FNBP4: variants seen among roughly 807,000 people sequenced by gnomAD.
FNBP4 encodes the protein formin binding protein 4.
A neutral mutation model predicts 119.3 loss-of-function variants in FNBP4; 34 were observed. That is an observed-to-expected ratio of 0.28 (90% confidence interval 0.22 to 0.38). The LOEUF (loss-of-function observed/expected upper bound fraction) is 0.38. Ranked by LOEUF, FNBP4 falls within the 10% of genes least tolerant of loss-of-function variation. The pLI is 1.00. For missense variants in FNBP4, 1,112 were observed against 1,228.9 expected (o/e 0.90, Z 1.42); for synonymous variants, 462 against 430.6 (o/e 1.07, Z -0.90).
intron 12 of FNBP4, 167 bp from the exon 13 acceptor site, chr11:47,724,945 G>T: frequency 9.4e-7 from 1 of 1,067,366 alleles, no homozygotes; most frequent in Non-Finnish European, 1.3e-6. Context: ...CTCCTTCCTT[G>T]AAAAAAATTT....
At chr11:47,722,112 CT>C (rs762333048) in intron 15 of FNBP4, among the ~76,000 whole-genome samples, 5 of 145,862 alleles carry the variant, frequency 3.4e-5, no homozygotes, top group Non-Finnish European at 6.0e-5. Context: ...AAGCCACCCC[CT>C]GCCAGAAGAA....
chr11:47,737,938 G>A (rs2097576492), intron 8 of FNBP4, among the ~76,000 whole-genome samples: 1 of 152,078 alleles, frequency 6.6e-6, no homozygotes, highest in African/African-American at 2.4e-5. Context: ...TAGAGATGGG[G>A]TTTCACCATG....
chr11:47,760,093 C>A (rs2097630017), intron 2 of FNBP4, among the ~76,000 whole-genome samples: 1 of 152,168 alleles, frequency 6.6e-6, no homozygotes, highest in Non-Finnish European at 1.5e-5. Context: ...CCCAGGTCCA[C>A]AGGCAAAATC....
intron 9 of FNBP4, among the ~76,000 whole-genome samples, chr11:47,735,855 G>GT (rs1565134600): frequency 6.6e-6 from 1 of 152,042 alleles, no homozygotes; most frequent in African/African-American, 2.4e-5. Flanking sequence ...CGAGGCAGGT[G>GT]TATCACGAGG....
intron 2 of FNBP4, among the ~76,000 whole-genome samples, chr11:47,757,528 C>G (rs560779907): frequency 6.8e-6 from 1 of 148,130 alleles, no homozygotes; most frequent in South Asian, 2.2e-4. Context: ...GAGTCTTGCT[C>G]TGTTGCCCAG....
intron 9 of FNBP4, among the ~76,000 whole-genome samples, chr11:47,734,748 G>C (rs2097571646): frequency 6.6e-6 from 1 of 151,986 alleles, no homozygotes; most frequent in South Asian, 2.1e-4. Flanking sequence ...GCTGAGGCAG[G>C]TGGATCACAA....
intron 10 of FNBP4, among the ~76,000 whole-genome samples, chr11:47,733,394 A>G (rs1475868002): frequency 1.3e-5 from 2 of 151,834 alleles, no homozygotes; most frequent in Non-Finnish European, 2.9e-5. Context: ...GCTAGAGTAC[A>G]GTGGAGCAAT....
chr11:47,751,331 ATTCTGGC>A, intron 4 of FNBP4, 41 bp from the exon 5 acceptor site: 1 of 1,610,942 alleles, frequency 6.2e-7, no homozygotes, highest in Non-Finnish European at 8.5e-7. Flanking sequence ...TCCCTCTACA[ATTCTGGC>A]TTACATATAA....
At position 47,723,234 on chromosome 11, in the gene FNBP4, C is replaced by T. The variant is rs1384221388; in HGVS notation, c.2547G>A (p.Met849Ile). 3 of 1,614,048 alleles carry T rather than the reference C, an allele frequency of 1.9e-6. No homozygotes were observed. Among genetic ancestry groups the T allele is most frequent in the Admixed American group, 1.7e-5 (1 of 60,002 alleles). The change falls in exon 15 of 17, where the codon ATG (methionine) becomes ATA (isoleucine). Residue 849 changes from methionine (M) to isoleucine (I), a missense_variant. Around this residue, in one of 2 missense-constraint regions of FNBP4, gnomAD observed 826 missense variants for 988.8 expected, o/e 0.84. Coordinates refer to ENST00000263773, the MANE Select transcript of FNBP4 (RefSeq NM_015308.5). The part of the protein sequence containing the change: ...TIPVSLPAAG[M>I]GHQARGMSLQ... The stretch of plus-strand genomic sequence containing the variant: ...GGCTCATTCCTCTGGCCTGATGACC[C>T]ATTCCTGCTGCTGGAAGGCTAACTG...
intron 2 of FNBP4, among the ~76,000 whole-genome samples, chr11:47,762,593 T>A (rs1429640626): frequency 6.6e-6 from 1 of 152,046 alleles, no homozygotes; most frequent in Non-Finnish European, 1.5e-5. Context: ...TCAGCACGTC[T>A]AGCTAATTTT....
chr11:47,762,452 A>G (rs976807806), intron 2 of FNBP4, among the ~76,000 whole-genome samples: 1 of 151,804 alleles, frequency 6.6e-6, no homozygotes, highest in Admixed American at 6.6e-5. Context: ...TTTTTGACAC[A>G]GGGTCTCATT....
chr11:47,740,644 A>C (rs895219111), intron 8 of FNBP4, among the ~76,000 whole-genome samples: 2 of 151,196 alleles, frequency 1.3e-5, no homozygotes, highest in African/African-American at 4.9e-5. Context: ...CTTAGGCTGA[A>C]GTGCAGTGGC....
chr11:47,729,685 T>C (rs2097565251), intron 12 of FNBP4: 3 of 984,590 alleles, frequency 3.0e-6, no homozygotes, highest in African/African-American at 3.5e-5. Context: ...GGCTAACTTT[T>C]TAAAACAATT....
chr11:47,745,300 A>G (rs1438156389), intron 7 of FNBP4, among the ~76,000 whole-genome samples: 1 of 152,182 alleles, frequency 6.6e-6, no homozygotes, highest in Non-Finnish European at 1.5e-5. Flanking sequence ...ATGGACATGC[A>G]AGTAGGGAAG....
chr11:47,765,321 T>G lies in FNBP4; in HGVS notation c.262A>C (p.Asn88His), dbSNP rs760805924. The G allele has an allele frequency of 1.2e-6, 2 of 1,611,540 alleles. No homozygotes were observed. Among genetic ancestry groups the G allele is most frequent in the South Asian group, 2.2e-5 (2 of 90,832 alleles). ...AVQEVPRVVQ[N>H]PPKPVMTTRP... ...GTGGTCATGACTGGTTTTGGAGGAT[T>G]CTGAACAACTCTAGGAACCTCCTGC... Residue 88 changes from asparagine (N) to histidine (H), a missense_variant, in exon 2 of 17, where the codon AAT (asparagine) becomes CAT (histidine). Transcript: ENST00000263773.
chr11:47,732,054 A>G lies in FNBP4; in HGVS notation c.1820+483T>C. ...GGAGCTGAAAAATAAAAGAGCAAAG[A>G]TTTCAAATAACGAAAAAAAAATCAA... On this transcript the variant is annotated intron_variant, in intron 11 of 16. Transcript: ENST00000263773. This position sits in a 1 kb window ranked among gnomAD's most constrained non-coding sequence, Gnocchi z 4.2. 1.0e-6 allele frequency: 1 copy of G among 992,172 alleles called. No individual in the cohort carries two copies. The highest frequency in any genetic ancestry group is 1.2e-6 in the Non-Finnish European group (1 of 834,642). 61.5% of individuals were successfully genotyped at this position (992,172 alleles called of 1,614,324 possible). A position where few individuals can be genotyped will look rare whatever the true frequency, so the allele number is the denominator to read the frequency against.
intron 8 of FNBP4, among the ~76,000 whole-genome samples, chr11:47,741,167 G>A (rs1423630772): frequency 6.6e-6 from 1 of 151,436 alleles, no homozygotes; most frequent in Non-Finnish European, 1.5e-5. Flanking sequence ...CCGTGCGCCA[G>A]TCTGTTTTTC....
Position 47,744,200 on chromosome 11 carries a change from C to T in FNBP4, c.1246-37G>A, listed in dbSNP as rs780197370. ...ATGACAATTAAGTTAGTGTCATTAA[C>T]TGCTTATTAATATGTATAATCAGAA... On this transcript the variant is annotated intron_variant, in intron 7 of 16. Transcript: ENST00000263773. 13 of 1,500,374 alleles carry T rather than the reference C, an allele frequency of 8.7e-6. No homozygotes were observed. In the African/African-American group the frequency reaches 1.7e-4, roughly 19 times the overall value. The allele number at this position is 1,500,374 out of a possible 1,614,324, so 92.9% of individuals were successfully genotyped here.
Position 47,750,845 on chromosome 11 carries a change from T to TTA in FNBP4, c.906+70_906+71insTA. 4.7e-6 allele frequency: 7 copies of TTA among 1,494,172 alleles called. No individual in the cohort carries two copies. In the South Asian group the frequency reaches 8.5e-5, roughly 18 times the overall value. The allele number at this position is 1,494,172 out of a possible 1,614,324, so 92.6% of individuals were successfully genotyped here. On this transcript the variant is annotated intron_variant, in intron 6 of 16. Coordinates refer to ENST00000263773, the MANE Select transcript of FNBP4 (RefSeq NM_015308.5). ...TGACATAAAATATTAAGAGAAGGCT[T>TTA]CCACTCCTGTGCTCAGAGTAACGCT...
Sources: gnomAD v4.1 joint callset for allele counts (sites outside exome capture counted in the v4.1 genomes callset) on GRCh38, gnomAD v4.1.1 for gene constraint, gnomAD v4.1.1 regional missense constraint, Gnocchi (gnomAD v3.1) non-coding constraint, MANE v1.5 for transcripts, NCBI Gene and HGNC (gene_info 2026-07-23, HGNC 2026-07-21) for gene names.